TXLNB: variants seen among roughly 807,000 people sequenced by gnomAD.
TXLNB encodes taxilin beta.
A neutral mutation model predicts 57.4 loss-of-function variants in TXLNB; 37 were observed. That is an observed-to-expected ratio of 0.64 (90% CI 0.50 to 0.85). TXLNB has a LOEUF of 0.85. TXLNB is among the 40% of genes least tolerant of loss of function. TXLNB has a pLI of 0.00. For synonymous variants in TXLNB, 302 were observed against 309.6 expected, an observed-to-expected ratio of 0.98 and a Z score of 0.26; for missense variants, 848 against 825.6, an observed-to-expected ratio of 1.03 and a Z score of -0.33.
At chr6:139,264,348 C>T (rs756021775) in intron 4 of TXLNB, among the ~76,000 whole-genome samples, 32 of 151,830 alleles carry the variant, frequency 2.1e-4, no homozygotes, top group Non-Finnish European at 4.0e-4. Flanking sequence ...ATTTGAATAC[C>T]GTTTGTATTT....
At position 139,262,851 on chromosome 6, in the gene TXLNB, A is replaced by G. The variant is rs2114522211; in HGVS notation, c.688-78T>C. ...CTCAGCATTAGGTCACCTAAAGGAG[A>G]TAAGTGTGCAGAGTAGGTGGGATGT... On this transcript the variant is annotated intron_variant, in intron 4 of 9. Coordinates refer to ENST00000358430, the MANE Select transcript of TXLNB (RefSeq NM_153235.4). 5 of 1,450,270 alleles carry G rather than the reference A, an allele frequency of 3.4e-6. No homozygotes were observed. In the East Asian group the frequency reaches 6.9e-5, roughly 20 times the overall value. The allele number at this position is 1,450,270 out of a possible 1,614,324, so 89.8% of individuals were successfully genotyped here. A position where few individuals can be genotyped will look rare whatever the true frequency, so the allele number is the denominator to read the frequency against.
intron 2 of TXLNB, among the ~76,000 whole-genome samples, chr6:139,278,013 A>T (rs1022974751): frequency 6.6e-6 from 1 of 152,194 alleles, no homozygotes; most frequent in African/African-American, 2.4e-5. Context: ...CTAAAAAATG[A>T]TTCGTTGTTT....
At chr6:139,161,101 C>T in the TXLNB span, among the ~76,000 whole-genome samples, 2 of 151,810 alleles carry the variant, frequency 1.3e-5, no homozygotes, top group East Asian at 3.9e-4. Context: ...ATGTTTGAAC[C>T]GAGCCTTGAA....
At chr6:139,280,251 TAAAAA>T (rs11313271) in intron 2 of TXLNB, among the ~76,000 whole-genome samples, 3 of 78,236 alleles carry the variant, frequency 3.8e-5, no homozygotes, top group African/African-American at 8.8e-5. Flanking sequence ...ACTCTCTCTC[TAAAAA>T]AAAAAAAAAA....
In TXLNB at chr6:139,281,554, T is replaced by C. The variant is rs1296110506; in HGVS notation, c.425-4633A>G. On this transcript the variant is annotated intron_variant, in intron 2 of 9. Transcript: ENST00000358430. ...ATCTGGAGTTCTTTTTTTTTTTTTT[T>C]TTTTTTTTTTTTGAGACGGAGTCTC... Among the ~76,000 whole-genome samples the C allele has an allele frequency of 6.4e-5, 5 of 78,370 alleles. 2 individuals carry two copies. The East Asian group carries it at 8.9e-4, about 14-fold the overall frequency. 51.4% of individuals were successfully genotyped at this position (78,370 alleles called of 152,430 possible).
At chr6:139,279,798 T>C (rs1776997263) in intron 2 of TXLNB, among the ~76,000 whole-genome samples, 6 of 152,208 alleles carry the variant, frequency 3.9e-5, no homozygotes, top group Admixed American at 3.9e-4. Context: ...AAGCTTCATT[T>C]CTTCCTCATG....
chr6:139,309,043 T>C, the TXLNB span, among the ~76,000 whole-genome samples: 2 of 152,336 alleles, frequency 1.3e-5, no homozygotes, highest in South Asian at 2.1e-4. Flanking sequence ...GAGTAGCACA[T>C]GGCCTAGCCT....
At chr6:139,283,462 G>A (rs1041706896) in intron 2 of TXLNB, among the ~76,000 whole-genome samples, 1 of 143,754 alleles carries the variant, frequency 7.0e-6, no homozygotes, top group Non-Finnish European at 1.5e-5. Flanking sequence ...TGTAATCCCA[G>A]CTACTTGGGA....
At chr6:139,210,061 C>A in the TXLNB span, among the ~76,000 whole-genome samples, 1 of 151,984 alleles carries the variant, frequency 6.6e-6, no homozygotes, top group Admixed American at 6.6e-5. Flanking sequence ...TATGAATAGA[C>A]AATTGTCAAA....
chr6:139,204,394 T>C, the TXLNB span, among the ~76,000 whole-genome samples: 1 of 152,062 alleles, frequency 6.6e-6, no homozygotes, highest in Admixed American at 6.6e-5. Context: ...ATGGAGGCAC[T>C]CTGCAGCACT....
At chr6:139,264,388 C>A (rs567855776) in intron 4 of TXLNB, among the ~76,000 whole-genome samples, 11 of 152,066 alleles carry the variant, frequency 7.2e-5, no homozygotes, top group African/African-American at 2.7e-4. Context: ...ATAAATGAAA[C>A]ACCCCATGCA....
chr6:139,187,297 T>A, the TXLNB span, among the ~76,000 whole-genome samples: 1 of 152,218 alleles, frequency 6.6e-6, no homozygotes, highest in Non-Finnish European at 1.5e-5. Flanking sequence ...CAAACCTTCA[T>A]TTATGATGCA....
At chr6:139,193,114 G>C in the TXLNB span, among the ~76,000 whole-genome samples, 2 of 151,884 alleles carry the variant, frequency 1.3e-5, no homozygotes, top group Non-Finnish European at 2.9e-5. Flanking sequence ...TCCTCTTCTA[G>C]GACTCCATGT....
At chr6:139,219,595 G>A in the TXLNB span, among the ~76,000 whole-genome samples, 5 of 152,196 alleles carry the variant, frequency 3.3e-5, no homozygotes, top group South Asian at 2.1e-4. Flanking sequence ...GACTGGAGAC[G>A]TCAGGAAGCG....
the TXLNB span, among the ~76,000 whole-genome samples, chr6:139,182,549 T>C: frequency 6.6e-6 from 1 of 152,200 alleles, no homozygotes; most frequent in Non-Finnish European, 1.5e-5. Context: ...TTGCTAATTA[T>C]CTAGGCTGTT....
chr6:139,245,576 G>T (rs1432843841), intron 8 of TXLNB: 1 of 152,164 alleles, frequency 6.6e-6, no homozygotes, highest in Non-Finnish European at 1.5e-5. Flanking sequence ...CCTGAAGCTG[G>T]GTACCCACGG....
the TXLNB span, among the ~76,000 whole-genome samples, chr6:139,308,210 T>C: frequency 6.6e-6 from 1 of 152,076 alleles, no homozygotes; most frequent in East Asian, 1.9e-4. Flanking sequence ...CTGTTTGGAG[T>C]CACTGACTCT....
At chr6:139,320,252 A>T in the TXLNB span, among the ~76,000 whole-genome samples, 1 of 152,204 alleles carries the variant, frequency 6.6e-6, no homozygotes, top group Non-Finnish European at 1.5e-5. Context: ...CTAATTCATC[A>T]ATTTGGGAGT....
the TXLNB span, among the ~76,000 whole-genome samples, chr6:139,214,020 T>G: frequency 2.0e-5 from 3 of 152,132 alleles, no homozygotes; most frequent in Non-Finnish European, 4.4e-5. Context: ...CAGGATCAGA[T>G]GGATTCACAG....
Sources: allele counts gnomAD v4.1 joint callset (sites outside exome capture counted in the v4.1 genomes callset), GRCh38; gene constraint gnomAD v4.1.1; transcripts MANE v1.5; gene names NCBI Gene and HGNC (gene_info 2026-07-23, HGNC 2026-07-21).